The following FHL1 variants were observed in gnomAD, a reference collection of about 807,000 sequenced individuals.
FHL1 encodes four and a half LIM domains protein 1.
Under a neutral mutation model 20.3 loss-of-function variants are expected in FHL1, and 1 was observed. That is an observed-to-expected ratio of 0.05 (90% CI 0.02 to 0.23). FHL1 has a LOEUF of 0.23. Ranked by LOEUF, FHL1 falls within the 10% of genes least tolerant of loss-of-function variation. The pLI is 1.00. For missense variants in FHL1, 177 were observed against 234.0 expected (o/e 0.76, Z 1.59); for synonymous variants, 82 against 88.9 (o/e 0.92, Z 0.44).
chrX:136,210,527 G>A lies in FHL1; in HGVS notation c.*502G>A. On this transcript the variant is annotated 3_prime_UTR_variant, in exon 6 of 6. Coordinates refer to ENST00000370683, the MANE Select transcript of FHL1 (RefSeq NM_001159699.2). ...GGTTTAACTTCCTCATCAGAACTCT[G>A]CCCTTCCTTCTGTTCTTTTGTGCTT... 2.6e-6 allele frequency: 1 copy of A among 390,902 alleles called. No homozygotes were observed. The allele number at this position is 390,902 out of a possible 1,213,427, so 32.2% of individuals were successfully genotyped here. A position where few individuals can be genotyped will look rare whatever the true frequency, so the allele number is the denominator to read the frequency against.
intron 1 of FHL1, among the ~76,000 whole-genome samples, chrX:136,154,111 C>T (rs1466866453): frequency 6.2e-5 from 7 of 112,216 alleles, no homozygotes; most frequent in African/African-American, 1.9e-4. Context: ...AATGTGCTAA[C>T]GTCAGAGTTC....
chrX:136,158,372 A>G (rs1003723498), intron 1 of FHL1, among the ~76,000 whole-genome samples: 4 of 111,929 alleles, frequency 3.6e-5, no homozygotes, highest in African/African-American at 9.7e-5. Context: ...TCCAAGTGTC[A>G]AAAAATATCT....
chrX:136,158,931 C>T (rs1327828583), intron 1 of FHL1, among the ~76,000 whole-genome samples: 1 of 110,825 alleles, frequency 9.0e-6, no homozygotes, highest in Non-Finnish European at 1.9e-5. Context: ...TGTCAAAACC[C>T]ATAAAATGCA....
intron 1 of FHL1, among the ~76,000 whole-genome samples, chrX:136,154,746 G>A (rs1477079001): frequency 2.8e-5 from 3 of 106,211 alleles, no homozygotes; most frequent in African/African-American, 1.0e-4. Context: ...TCCCTGTGTC[G>A]CCCAGGCTGG....
At chrX:136,208,397 T>C in intron 4 of FHL1, 58 bp from the exon 5 acceptor site, 4 of 1,152,099 alleles carry the variant, frequency 3.5e-6, no homozygotes, top group Non-Finnish European at 4.8e-6. Context: ...TGGCACGCAG[T>C]AGGCATTCAA....
intron 2 of FHL1, among the ~76,000 whole-genome samples, chrX:136,188,795 G>T (rs2073368536): frequency 9.0e-6 from 1 of 110,798 alleles, no homozygotes; most frequent in Non-Finnish European, 1.9e-5. Flanking sequence ...TGCATATTTT[G>T]GTTCTGCCAC....
At position 136,209,853 on chromosome X, in the gene FHL1, CTTTTT is replaced by C. The variant is rs374867802; in HGVS notation, c.737-13_737-9del. 17 of 1,155,329 alleles carry C rather than the reference CTTTTT, an allele frequency of 1.5e-5. 2 individuals are homozygous for C. Among genetic ancestry groups the C allele is most frequent in the Non-Finnish European group, 2.3e-6 (2 of 853,772 alleles). On this transcript the variant is annotated splice_polypyrimidine_tract_variant and intron_variant, in intron 5 of 5. Transcript: ENST00000370683. ...TGTTTCTCTTGTTTTCTTTTCTTTTCTTTTTTTTTCCCCCCAGGGTTTGGTAAAGG... is the reference window on the plus strand; with the variant it reads ...TGTTTCTCTTGTTTTCTTTTCTTTTCTTTTCCCCCCAGGGTTTGGTAAAGG...
intron 1 of FHL1, among the ~76,000 whole-genome samples, chrX:136,201,935 T>C (rs954403241): frequency 8.9e-6 from 1 of 112,461 alleles, no homozygotes; most frequent in African/African-American, 3.2e-5. Flanking sequence ...GGCAGACATA[T>C]CTAGAAGTTC....
chrX:136,158,423 C>G (rs189670016), intron 1 of FHL1, among the ~76,000 whole-genome samples: 1 of 111,886 alleles, frequency 8.9e-6, no homozygotes, highest in South Asian at 3.7e-4. Flanking sequence ...CGGCATGCGT[C>G]GTCTCCTCTT....
At chrX:136,162,938 A>T (rs1348902260) in intron 1 of FHL1, among the ~76,000 whole-genome samples, 1 of 112,353 alleles carries the variant, frequency 8.9e-6, no homozygotes, top group African/African-American at 3.2e-5. Flanking sequence ...AGGTGCAAAC[A>T]GGTTCGATTG....
At chrX:136,161,828 G>A (rs2072574511) in intron 1 of FHL1, among the ~76,000 whole-genome samples, 1 of 112,109 alleles carries the variant, frequency 8.9e-6, no homozygotes, top group South Asian at 3.7e-4. Flanking sequence ...TAAAACAACA[G>A]TGATCTCTTC....
chrX:136,175,082 C>A (rs955027098), intron 2 of FHL1, among the ~76,000 whole-genome samples: 6 of 112,175 alleles, frequency 5.3e-5, no homozygotes, highest in Non-Finnish European at 1.9e-5. Context: ...CATGCACAGA[C>A]CTCATACAGA....
At chrX:136,176,428 T>G (rs1277359047) in intron 2 of FHL1, among the ~76,000 whole-genome samples, 1 of 112,536 alleles carries the variant, frequency 8.9e-6, no homozygotes, top group Non-Finnish European at 1.9e-5. Flanking sequence ...ACTTCATGTC[T>G]GTTTTTCTTT....
chrX:136,146,887 G>A (rs776251159), upstream of FHL1: 9 of 328,080 alleles, frequency 2.7e-5, no homozygotes, highest in South Asian at 2.4e-4. Context: ...AGCTCCCTCC[G>A]GCTTGCTACT....
chrX:136,151,115 G>C (rs1380954790), intron 1 of FHL1, among the ~76,000 whole-genome samples: 1 of 112,378 alleles, frequency 8.9e-6, no homozygotes, highest in Non-Finnish European at 1.9e-5. Flanking sequence ...TTTGTGGATA[G>C]TGCCACACTG....
chrX:136,169,583 G>A (rs148842065), upstream of FHL1: 111 of 248,740 alleles, frequency 4.5e-4, 1 homozygote, highest in Middle Eastern at 2.9e-3. Flanking sequence ...TTGATTACCC[G>A]GGTGATTGCC....
intron 1 of FHL1, among the ~76,000 whole-genome samples, chrX:136,163,909 A>G (rs1212341224): frequency 8.9e-6 from 1 of 112,167 alleles, no homozygotes. Context: ...GTTGTGGGAA[A>G]GTTGTAGACT....
At chrX:136,202,362 C>T (rs1434163346) in intron 1 of FHL1, among the ~76,000 whole-genome samples, 1 of 110,602 alleles carries the variant, frequency 9.0e-6, no homozygotes, top group Non-Finnish European at 1.9e-5. Flanking sequence ...GAGACCCTGT[C>T]TCAACAACAA....
chrX:136,177,097 G>C (rs911980136), intron 2 of FHL1, among the ~76,000 whole-genome samples: 1 of 109,524 alleles, frequency 9.1e-6, no homozygotes, highest in Non-Finnish European at 1.9e-5. Flanking sequence ...GTATTATTTA[G>C]TTAATGTGAA....
Sources: allele counts gnomAD v4.1 joint callset (sites outside exome capture counted in the v4.1 genomes callset), GRCh38; gene constraint gnomAD v4.1.1; transcripts MANE v1.5; gene names NCBI Gene and HGNC (gene_info 2026-07-23, HGNC 2026-07-21).